CLCN3: variants seen among roughly 807,000 people sequenced by gnomAD.
CLCN3 encodes the protein Cl-/H+ antiporter 3.
A neutral mutation model predicts 83.4 loss-of-function variants in CLCN3; 16 were observed. The observed-to-expected ratio is 0.19, with a 90% CI of 0.13 to 0.29. CLCN3 has a LOEUF of 0.29. CLCN3 is among the 10% of genes least tolerant of loss of function. The pLI, the probability that CLCN3 is intolerant of heterozygous loss-of-function variation, is 1.00. For synonymous variants in CLCN3, 322 were observed against 346.2 expected, an observed-to-expected ratio of 0.93 and a Z score of 0.78; for missense variants, 544 against 1,006.0, an observed-to-expected ratio of 0.54 and a Z score of 6.21.
At chr4:169,686,328 A>T (rs556864197) in intron 3 of CLCN3, among the ~76,000 whole-genome samples, 173 of 151,896 alleles carry the variant, frequency 1.1e-3, no homozygotes, top group Admixed American at 1.8e-3. Flanking sequence ...ATAATAATAA[A>T]AAAAAAAAAA....
In CLCN3 at chr4:169,721,176, CTTAT is replaced by C. The variant is rs1409096069; in HGVS notation, c.*1184_*1187del. 5 of 152,010 alleles carry C rather than the reference CTTAT, an allele frequency of 3.3e-5. No individual in the cohort carries two copies. Among genetic ancestry groups the C allele is most frequent in the African/African-American group, 9.7e-5 (4 of 41,392 alleles). The allele number at this position is 152,010 out of a possible 1,614,324, so 9.4% of individuals were successfully genotyped here. On this transcript the variant is annotated 3_prime_UTR_variant, in exon 13 of 13. Coordinates refer to ENST00000513761, the MANE Select transcript of CLCN3 (RefSeq NM_001829.4). ...TTTTTTTTCTTAAAAATTTACCATTCTTATTTATATTTTTATGGATTAAAATTTA... is the reference window on the plus strand; with the variant it reads ...TTTTTTTTCTTAAAAATTTACCATTCTTATATTTTTATGGATTAAAATTTA...
Position 169,621,011 on chromosome 4 carries a change from C to A in CLCN3, c.-69C>A. On this transcript the variant is annotated 5_prime_UTR_variant, in exon 1 of 13. Coordinates refer to ENST00000513761, the MANE Select transcript of CLCN3 (RefSeq NM_001829.4). ...CTAGGTTTGAAACAGATGCAGAATC[C>A]AAAGGCAGCGCAAAAAACAGCCACC... 1 of 397,888 alleles carries A rather than the reference C, an allele frequency of 2.5e-6. No homozygotes were observed. Among genetic ancestry groups the A allele is most frequent in the South Asian group, 1.4e-4 (1 of 7,292 alleles). The allele number at this position is 397,888 out of a possible 1,614,324, so 24.6% of individuals were successfully genotyped here. A position where few individuals can be genotyped will look rare whatever the true frequency, so the allele number is the denominator to read the frequency against.
chr4:169,627,565 CA>C (rs781457953), intron 1 of CLCN3, among the ~76,000 whole-genome samples: 1 of 151,884 alleles, frequency 6.6e-6, no homozygotes, highest in Non-Finnish European at 1.5e-5. Flanking sequence ...AGTGTGCAGT[CA>C]ATGATTATCA....
chr4:169,722,247 T>C lies in CLCN3; in HGVS notation c.*2250T>C, dbSNP rs1209024453. 2 of 152,258 alleles carry C rather than the reference T, an allele frequency of 1.3e-5. No homozygotes were observed. Among genetic ancestry groups the C allele is most frequent in the African/African-American group, 4.8e-5 (2 of 41,472 alleles). 9.4% of individuals were successfully genotyped at this position (152,258 alleles called of 1,614,324 possible). A position where few individuals can be genotyped will look rare whatever the true frequency, so the allele number is the denominator to read the frequency against. On this transcript the variant is annotated 3_prime_UTR_variant, in exon 13 of 13. Transcript: ENST00000513761. ...GTAAGATCCTGAAGACATAAGATCA[T>C]GAAGCCATATAAGAATGAGGATTGA...
intron 5 of CLCN3, 52 bp from the exon 6 acceptor site, chr4:169,690,478 T>G: frequency 1.3e-6 from 2 of 1,572,490 alleles, no homozygotes; most frequent in Non-Finnish European, 8.7e-7. Flanking sequence ...AGCATTTGCA[T>G]TAGAGGTGCA....
Position 169,723,321 on chromosome 4 carries a change from C to G in CLCN3, c.*3324C>G, listed in dbSNP as rs1457378512. ...ATAATGCTTCTCTCAGGTTACAAAGCATTTCTACACTTTGCAAGCAAGGAG... is the reference window on the plus strand; with the variant it reads ...ATAATGCTTCTCTCAGGTTACAAAGGATTTCTACACTTTGCAAGCAAGGAG... On this transcript the variant is annotated 3_prime_UTR_variant, in exon 13 of 13. Transcript: ENST00000513761. The G allele has an allele frequency of 6.6e-6, 1 of 152,138 alleles. No homozygotes were observed. Among genetic ancestry groups the G allele is most frequent in the Non-Finnish European group, 1.5e-5 (1 of 68,040 alleles). 9.4% of individuals were successfully genotyped at this position (152,138 alleles called of 1,614,324 possible). A position where few individuals can be genotyped will look rare whatever the true frequency, so the allele number is the denominator to read the frequency against.
chr4:169,635,830 A>G, intron 1 of CLCN3, 83 bp from the exon 2 acceptor site: 1 of 1,155,958 alleles, frequency 8.7e-7, no homozygotes, highest in Non-Finnish European at 1.2e-6. Context: ...CACATAGATC[A>G]TAACTTTCCT....
chr4:169,642,899 T>C (rs1246623829), intron 2 of CLCN3: 4 of 152,204 alleles, frequency 2.6e-5, no homozygotes, highest in Non-Finnish European at 5.9e-5. Context: ...ACCATTATTA[T>C]ATAGTATAAA....
At chr4:169,648,220 A>C (rs1258162356) in intron 2 of CLCN3, among the ~76,000 whole-genome samples, 1 of 152,234 alleles carries the variant, frequency 6.6e-6, no homozygotes, top group African/African-American at 2.4e-5. Flanking sequence ...AGTTTACTTA[A>C]TATACAAATG....
intron 2 of CLCN3, among the ~76,000 whole-genome samples, chr4:169,655,898 C>T (rs1309730820): frequency 1.3e-5 from 2 of 152,166 alleles, no homozygotes; most frequent in Non-Finnish European, 2.9e-5. Flanking sequence ...GAAACTAAAA[C>T]TTCTTATGTT....
chr4:169,685,598 A>G (rs1296497279), intron 3 of CLCN3, among the ~76,000 whole-genome samples: 2 of 152,116 alleles, frequency 1.3e-5, no homozygotes, highest in African/African-American at 4.8e-5. Flanking sequence ...ATCTGATGCT[A>G]TGTTGATGAA....
At chr4:169,669,253 T>A (rs1731368914) in intron 2 of CLCN3, among the ~76,000 whole-genome samples, 1 of 152,152 alleles carries the variant, frequency 6.6e-6, no homozygotes, top group Non-Finnish European at 1.5e-5. Context: ...AAAAATTAAC[T>A]GGAAAAGAGG....
chr4:169,717,973 A>G (rs1256739845), intron 12 of CLCN3: 2 of 644,172 alleles, frequency 3.1e-6, no homozygotes, highest in South Asian at 4.4e-5. Flanking sequence ...CTGAACAAAA[A>G]TATCCTACTA....
intron 2 of CLCN3, among the ~76,000 whole-genome samples, chr4:169,650,086 C>T (rs761960598): frequency 6.6e-6 from 1 of 151,212 alleles, no homozygotes; most frequent in Non-Finnish European, 1.5e-5. Flanking sequence ...GAGACCCTAT[C>T]TAAGAGAAAA....
chr4:169,647,947 A>T (rs1730622205), intron 2 of CLCN3, among the ~76,000 whole-genome samples: 1 of 152,234 alleles, frequency 6.6e-6, no homozygotes, highest in Non-Finnish European at 1.5e-5. Context: ...TGACAAGAAG[A>T]GCATGTCACC....
At chr4:169,684,345 T>G (rs2150243391) in intron 3 of CLCN3, among the ~76,000 whole-genome samples, 1 of 152,338 alleles carries the variant, frequency 6.6e-6, no homozygotes, top group Non-Finnish European at 1.5e-5. Context: ...ACTAGGTTCC[T>G]TAGCATCCTC....
At chr4:169,675,882 C>G (rs1025559043) in intron 2 of CLCN3, among the ~76,000 whole-genome samples, 1 of 152,132 alleles carries the variant, frequency 6.6e-6, no homozygotes, top group Non-Finnish European at 1.5e-5. Flanking sequence ...GCTCTATTTA[C>G]TTAAATGATG....
At position 169,684,565 on chromosome 4, in the gene CLCN3, C is replaced by T. The variant is rs561872698; in HGVS notation, c.319-3093C>T. 2.0e-5 allele frequency among the ~76,000 whole-genome samples: 3 copies of T among 152,242 alleles called. No homozygotes were observed. The East Asian group carries it at 5.8e-4, about 29-fold the overall frequency. On this transcript the variant is annotated intron_variant, in intron 3 of 12. Coordinates refer to ENST00000513761, the MANE Select transcript of CLCN3 (RefSeq NM_001829.4). ...AATCCTAATCCTAATCCTGATTCAT[C>T]GTAGACATTTCCCGCAGCAAACCTG...
In CLCN3 at chr4:169,638,981, A is replaced by G. The variant is rs552062024; in HGVS notation, c.160+2893A>G. Among the ~76,000 whole-genome samples the G allele has an allele frequency of 4.6e-5, 7 of 152,324 alleles. No homozygotes were observed. In the South Asian group the frequency reaches 1.2e-3, roughly 27 times the overall value. On this transcript the variant is annotated intron_variant, in intron 2 of 12. Transcript: ENST00000513761. Reference sequence around the variant, plus strand: ...AACATGCAAACAAGAGGAAGGCCCAATTAGCAAGTATAAAGTTGGAATGAC... The same window carrying G: ...AACATGCAAACAAGAGGAAGGCCCAGTTAGCAAGTATAAAGTTGGAATGAC...
Sources: allele counts gnomAD v4.1 joint callset (sites outside exome capture counted in the v4.1 genomes callset), GRCh38; gene constraint gnomAD v4.1.1; transcripts MANE v1.5; gene names NCBI Gene and HGNC (gene_info 2026-07-23, HGNC 2026-07-21).